Variants in PPARG observed in about 807,000 individuals in gnomAD.
PPARG encodes peroxisome proliferator activated receptor gamma.
Under a neutral mutation model 39.2 loss-of-function variants are expected in PPARG, and 17 were observed. That is an observed-to-expected ratio of 0.43 (90% CI 0.30 to 0.65). The LOEUF (loss-of-function observed/expected upper bound fraction) is 0.65. Ranked by LOEUF, PPARG falls within the 30% of genes least tolerant of loss-of-function variation. PPARG has a pLI of 0.13. For synonymous variants in PPARG, 223 were observed against 215.7 expected (o/e 1.03, Z -0.30); for missense variants, 406 against 585.9 (o/e 0.69, Z 3.17).
At chr3:12,312,316 TACATGTGTACACATTCTGA>T (rs986959250) in intron 1 of PPARG, 45 bp from the exon 2 acceptor site, 1 of 152,230 alleles carries the variant, frequency 6.6e-6, no homozygotes, top group African/African-American at 2.4e-5. Flanking sequence ...CTAGGCTGTG[TACATGTGTACACATTCTGA>T]ACATGTGTGT....
At chr3:12,303,466 G>T (rs968672630) in intron 1 of PPARG, among the ~76,000 whole-genome samples, 2 of 152,178 alleles carry the variant, frequency 1.3e-5, no homozygotes, top group Non-Finnish European at 2.9e-5. Context: ...CTCCCAAAGT[G>T]CTGGGATTAC....
chr3:12,389,456 A>G (rs2049991831), intron 4 of PPARG, among the ~76,000 whole-genome samples: 1 of 152,222 alleles, frequency 6.6e-6, no homozygotes, highest in African/African-American at 2.4e-5. Context: ...ACAAATAGAG[A>G]GTATAAAAGC....
intron 3 of PPARG, among the ~76,000 whole-genome samples, chr3:12,380,757 A>G (rs543380230): frequency 9.9e-5 from 15 of 152,176 alleles, no homozygotes; most frequent in South Asian, 4.1e-4. Flanking sequence ...GCTTACTTCC[A>G]TAAGTTCCGC....
intron 4 of PPARG, among the ~76,000 whole-genome samples, chr3:12,389,756 G>A (rs914603487): frequency 6.6e-6 from 1 of 152,058 alleles, no homozygotes; most frequent in Non-Finnish European, 1.5e-5. Context: ...AAAGAGCCAG[G>A]TATGGTGGTG....
chr3:12,318,047 C>A (rs1235011694), intron 2 of PPARG, among the ~76,000 whole-genome samples: 1 of 152,112 alleles, frequency 6.6e-6, no homozygotes, highest in Non-Finnish European at 1.5e-5. Context: ...AATCATAGCT[C>A]ACTGCAACTT....
chr3:12,291,750 A>G lies in PPARG; in HGVS notation c.-83+2616A>G, dbSNP rs189538975. Among the ~76,000 whole-genome samples, 354 of 152,330 alleles carry G rather than the reference A, an allele frequency of 2.3e-3. 1 individual carries two copies. Among genetic ancestry groups the G allele is most frequent in the Middle Eastern group, 0.014 (4 of 294 alleles). On this transcript the variant is annotated intron_variant, in intron 1 of 7. Coordinates refer to ENST00000651735, the MANE Select transcript of PPARG (RefSeq NM_138711.6). Reference sequence around the variant, plus strand: ...TTTTTAAAATTTCTCTTCAACAATAAGTACACATCAATATTTTAATGCCGA... The same window carrying G: ...TTTTTAAAATTTCTCTTCAACAATAGGTACACATCAATATTTTAATGCCGA...
At position 12,371,762 on chromosome 3, in the gene PPARG, A is replaced by G. The variant is rs76063662; in HGVS notation, c.-8-7942A>G. 1.6e-5 allele frequency: 9 copies of G among 551,534 alleles called. No individual in the cohort carries two copies. The East Asian group carries it at 3.0e-4, about 18-fold the overall frequency. 34.2% of individuals were successfully genotyped at this position (551,534 alleles called of 1,614,324 possible). On this transcript the variant is annotated intron_variant, in intron 2 of 7. Transcript: ENST00000651735. ...CCGTCCAGTCAGCCTCTAGCTCACCAGGAAACCCTGAGCAGGTCACTTTGC... is the reference window on the plus strand; with the variant it reads ...CCGTCCAGTCAGCCTCTAGCTCACCGGGAAACCCTGAGCAGGTCACTTTGC...
chr3:12,325,162 C>G (rs1032643561), intron 2 of PPARG, among the ~76,000 whole-genome samples: 8 of 151,970 alleles, frequency 5.3e-5, no homozygotes, highest in Non-Finnish European at 1.0e-4. Flanking sequence ...GTGGCTCACA[C>G]CTGTAATCCC....
intron 7 of PPARG, among the ~76,000 whole-genome samples, chr3:12,430,334 G>A (rs1470542137): frequency 6.6e-6 from 1 of 152,164 alleles, no homozygotes; most frequent in African/African-American, 2.4e-5. Flanking sequence ...TGTTTCCACT[G>A]GTGGTTCAGA....
At chr3:12,377,900 A>G (rs934592036) in intron 2 of PPARG, among the ~76,000 whole-genome samples, 3 of 152,228 alleles carry the variant, frequency 2.0e-5, no homozygotes, top group Non-Finnish European at 4.4e-5. Flanking sequence ...ATTCCAAAAT[A>G]TGTAAGAAAC....
At chr3:12,330,700 C>T (rs574542288) in intron 2 of PPARG, among the ~76,000 whole-genome samples, 12 of 152,260 alleles carry the variant, frequency 7.9e-5, no homozygotes, top group South Asian at 6.2e-4. Context: ...GTTCTGGATG[C>T]GTTGATGCTG....
chr3:12,297,055 T>C (rs2046805755), intron 1 of PPARG, among the ~76,000 whole-genome samples: 1 of 152,330 alleles, frequency 6.6e-6, no homozygotes, highest in South Asian at 2.1e-4. Context: ...TGGGACTTTT[T>C]CCAAAGGGCT....
At chr3:12,433,575 T>C (rs1022576905) in intron 7 of PPARG, among the ~76,000 whole-genome samples, 1 of 151,672 alleles carries the variant, frequency 6.6e-6, no homozygotes, top group African/African-American at 2.4e-5. Flanking sequence ...AAAGGAGATT[T>C]CTGAGTAGAA....
chr3:12,349,560 T>G (rs1481656168), intron 2 of PPARG, among the ~76,000 whole-genome samples: 1 of 152,178 alleles, frequency 6.6e-6, no homozygotes, highest in Non-Finnish European at 1.5e-5. Context: ...AAAATTGTAG[T>G]TTTTGCTAAT....
chr3:12,300,427 C>T (rs1040726529), intron 1 of PPARG, among the ~76,000 whole-genome samples: 7 of 152,174 alleles, frequency 4.6e-5, no homozygotes, highest in Non-Finnish European at 8.8e-5. Flanking sequence ...GCTGTGTATT[C>T]GACTTAGCCT....
intron 2 of PPARG, among the ~76,000 whole-genome samples, chr3:12,357,771 C>A (rs7627605): frequency 6.6e-6 from 1 of 152,056 alleles, no homozygotes; most frequent in Non-Finnish European, 1.5e-5. Flanking sequence ...CTAACACTTA[C>A]GGCTTCTATC....
chr3:12,313,806 G>A (rs1323196895), intron 2 of PPARG, among the ~76,000 whole-genome samples: 2 of 152,170 alleles, frequency 1.3e-5, no homozygotes, highest in African/African-American at 4.8e-5. Context: ...TAAATAAAAT[G>A]TATACACATG....
intron 2 of PPARG, among the ~76,000 whole-genome samples, chr3:12,349,629 G>C (rs1453386063): frequency 2.0e-5 from 3 of 152,096 alleles, no homozygotes; most frequent in African/African-American, 7.2e-5. Context: ...CCTAGCTTTA[G>C]GCTTGCCACA....
chr3:12,313,033 T>G (rs894356596), intron 2 of PPARG, among the ~76,000 whole-genome samples: 3 of 152,188 alleles, frequency 2.0e-5, no homozygotes, highest in Non-Finnish European at 4.4e-5. Flanking sequence ...TAATTTATCC[T>G]TCCGAGGCCT....
Sources: gnomAD v4.1 joint callset for allele counts (sites outside exome capture counted in the v4.1 genomes callset) on GRCh38, gnomAD v4.1.1 for gene constraint, MANE v1.5 for transcripts, NCBI Gene and HGNC (gene_info 2026-07-23, HGNC 2026-07-21) for gene names.